RAD51B: variants seen among roughly 807,000 people sequenced by gnomAD.
RAD51B encodes RAD51 paralog B.
In RAD51B, 38 loss-of-function variants were observed where a neutral mutation model predicts 42.2. That is an observed-to-expected ratio of 0.90 (90% CI 0.70 to 1.18). RAD51B has a LOEUF of 1.18. Ranked by LOEUF, RAD51B falls within the 50% of genes most tolerant of loss-of-function variation. The pLI is 0.00. For missense variants in RAD51B, 373 were observed against 400.7 expected (o/e 0.93, Z 0.59); for synonymous variants, 154 against 145.2 (o/e 1.06, Z -0.43).
chr14:68,087,870 TA>T (rs2077011943), intron 7 of RAD51B, among the ~76,000 whole-genome samples: 4 of 81,318 alleles, frequency 4.9e-5, no homozygotes, highest in Non-Finnish European at 9.0e-5. Flanking sequence ...TTATATAATA[TA>T]TTATTTATAT....
intron 9 of RAD51B, among the ~76,000 whole-genome samples, chr14:68,438,994 T>C (rs2085214818): frequency 6.6e-6 from 1 of 152,196 alleles, no homozygotes; most frequent in African/African-American, 2.4e-5. Context: ...GTGGATTGTT[T>C]GCTCTCAGAT....
intron 7 of RAD51B, among the ~76,000 whole-genome samples, chr14:68,108,702 A>G (rs992906097): frequency 6.6e-6 from 1 of 151,954 alleles, no homozygotes; most frequent in African/African-American, 2.4e-5. Flanking sequence ...GGTGATGGTT[A>G]TAAAACTCTG....
At chr14:67,948,424 A>C (rs780449793) in intron 7 of RAD51B, among the ~76,000 whole-genome samples, 1 of 152,210 alleles carries the variant, frequency 6.6e-6, no homozygotes, top group Non-Finnish European at 1.5e-5. Context: ...GCAACCCAGC[A>C]GCACTGTTAT....
At chr14:67,917,477 A>G (rs1161091380) in intron 7 of RAD51B, among the ~76,000 whole-genome samples, 1 of 152,190 alleles carries the variant, frequency 6.6e-6, no homozygotes, top group Non-Finnish European at 1.5e-5. Flanking sequence ...GCGAGCCATG[A>G]GGGATCTGCC....
chr14:67,927,732 T>TG (rs1415875262), intron 7 of RAD51B, among the ~76,000 whole-genome samples: 1 of 147,814 alleles, frequency 6.8e-6, no homozygotes. Context: ...TGTGTGTGTA[T>TG]TATATAATAT....
chr14:67,920,053 C>T (rs1221516915), intron 7 of RAD51B, among the ~76,000 whole-genome samples: 2 of 151,944 alleles, frequency 1.3e-5, no homozygotes, highest in African/African-American at 2.4e-5. Flanking sequence ...TATTGATAAG[C>T]ATTCATCAGT....
At chr14:68,596,364 G>A (rs997283097), downstream of RAD51B, among the ~76,000 whole-genome samples, 1 of 152,110 alleles carries the variant, frequency 6.6e-6, no homozygotes, top group African/African-American at 2.4e-5. Flanking sequence ...TGCTCGGTGG[G>A]TTTTCAACCA....
intron 7 of RAD51B, among the ~76,000 whole-genome samples, chr14:68,272,662 TATA>T (rs1446045699): frequency 1.8e-4 from 5 of 28,228 alleles, no homozygotes; most frequent in East Asian, 7.2e-4. Flanking sequence ...TATATATATA[TATA>T]TTTTTTTTTT....
intron 7 of RAD51B, among the ~76,000 whole-genome samples, chr14:67,923,233 G>A (rs996065824): frequency 4.0e-5 from 6 of 151,288 alleles, no homozygotes; most frequent in African/African-American, 7.3e-5. Context: ...GTATTCCACA[G>A]TGTGTATGGG....
intron 7 of RAD51B, among the ~76,000 whole-genome samples, chr14:68,081,978 T>C (rs1488139003): frequency 6.6e-6 from 1 of 152,190 alleles, no homozygotes; most frequent in Admixed American, 6.5e-5. Flanking sequence ...TTCTTTTTTT[T>C]GAGACAGAGT....
At chr14:68,666,733 T>G (rs1402302174) in intron 11 of RAD51B, among the ~76,000 whole-genome samples, 1 of 152,370 alleles carries the variant, frequency 6.6e-6, no homozygotes, top group East Asian at 1.9e-4. Flanking sequence ...ATTTCCCTAT[T>G]ATTTACTCCC....
intron 7 of RAD51B, among the ~76,000 whole-genome samples, chr14:67,989,754 T>C (rs908834135): frequency 2.6e-5 from 4 of 152,050 alleles, no homozygotes; most frequent in African/African-American, 9.7e-5. Context: ...AGAACTTTCA[T>C]TCGGAATTTC....
At chr14:67,899,716 A>G (rs1390029718) in intron 7 of RAD51B, among the ~76,000 whole-genome samples, 1 of 152,210 alleles carries the variant, frequency 6.6e-6, no homozygotes, top group East Asian at 1.9e-4. Flanking sequence ...GCTACATCTT[A>G]TTGATAACTA....
At chr14:68,537,498 CAAAA>C (rs34728022) in intron 10 of RAD51B, among the ~76,000 whole-genome samples, 6 of 145,712 alleles carry the variant, frequency 4.1e-5, no homozygotes, top group Admixed American at 6.8e-5. Context: ...GATTTCGTCT[CAAAA>C]AAAAAAAAGG....
At chr14:68,497,668 T>C in intron 10 of RAD51B, 1 of 442,498 alleles carries the variant, frequency 2.3e-6, no homozygotes, top group Non-Finnish European at 3.2e-6. Flanking sequence ...CCCATAACCA[T>C]TATGCAAGTG....
At chr14:67,959,635 A>G (rs1289893688) in intron 7 of RAD51B, among the ~76,000 whole-genome samples, 2 of 152,200 alleles carry the variant, frequency 1.3e-5, no homozygotes, top group East Asian at 1.9e-4. Context: ...ATTAGTTGAC[A>G]TAGTTAAAGT....
At chr14:68,558,930 A>G (rs1433768411) in intron 10 of RAD51B, among the ~76,000 whole-genome samples, 1 of 152,118 alleles carries the variant, frequency 6.6e-6, no homozygotes, top group Non-Finnish European at 1.5e-5. Context: ...GTGACTCCGT[A>G]TCTGTGTGTA....
intron 8 of RAD51B, among the ~76,000 whole-genome samples, chr14:68,319,221 G>T (rs753851516): frequency 6.6e-6 from 1 of 152,032 alleles, no homozygotes; most frequent in Non-Finnish European, 1.5e-5. Flanking sequence ...CACTGTTTAG[G>T]GTTCCCAAAA....
exon 11 of RAD51B, chr14:68,611,348 C>A (rs1039070210): frequency 6.0e-6 from 4 of 661,822 alleles, no homozygotes; most frequent in Non-Finnish European, 1.1e-5. Context: ...CTTCCTTGTC[C>A]CTTTCAGCAA....
Sources: gnomAD v4.1 joint callset for allele counts (sites outside exome capture counted in the v4.1 genomes callset) on GRCh38, gnomAD v4.1.1 for gene constraint, MANE v1.5 for transcripts, NCBI Gene and HGNC (gene_info 2026-07-23, HGNC 2026-07-21) for gene names.